The following STAT5B variants were observed in gnomAD, a reference collection of about 807,000 sequenced individuals.
STAT5B encodes signal transducer and activator of transcription 5B.
STAT5B carries 21 observed loss-of-function variants against 107.8 expected under a neutral mutation model. The ratio of observed to expected loss-of-function variants is 0.19; its 90% confidence interval spans 0.14 to 0.28. The LOEUF (loss-of-function observed/expected upper bound fraction) is 0.28. Ranked by LOEUF, STAT5B falls within the 10% of genes least tolerant of loss-of-function variation. The pLI is 1.00. For synonymous variants in STAT5B, 325 were observed against 401.7 expected (o/e 0.81, Z 2.28); for missense variants, 565 against 1,008.2 (o/e 0.56, Z 5.95).
intron 15 of STAT5B, among the ~76,000 whole-genome samples, chr17:42,209,317 A>G (rs1462031063): frequency 6.6e-6 from 1 of 151,994 alleles, no homozygotes; most frequent in Non-Finnish European, 1.5e-5. Flanking sequence ...AGGCTCCCAA[A>G]GTGCTGGGAT....
At chr17:42,234,224 T>C (rs976531973) in intron 1 of STAT5B, 2 of 152,228 alleles carry the variant, frequency 1.3e-5, no homozygotes, top group African/African-American at 2.4e-5. Flanking sequence ...GGGCTATTTA[T>C]GGGACAAGTC....
At chr17:42,267,377 C>T (rs1238602743) in intron 1 of STAT5B, among the ~76,000 whole-genome samples, 2 of 152,148 alleles carry the variant, frequency 1.3e-5, no homozygotes, top group Non-Finnish European at 2.9e-5. Context: ...TGTGTTACTG[C>T]CCCTGAAGAC....
At chr17:42,277,883 G>A (rs56833725), upstream of STAT5B, among the ~76,000 whole-genome samples, 247 of 151,796 alleles carry the variant, frequency 1.6e-3, 1 homozygote, top group African/African-American at 5.6e-3. Context: ...AGCCTCCTGA[G>A]TAGCTGGGAT....
At chr17:42,248,644 T>C (rs1246497730) in intron 1 of STAT5B, among the ~76,000 whole-genome samples, 2 of 152,212 alleles carry the variant, frequency 1.3e-5, no homozygotes, top group African/African-American at 2.4e-5. Flanking sequence ...ACACAACAGA[T>C]GCACTGAAAG....
intron 1 of STAT5B, among the ~76,000 whole-genome samples, chr17:42,266,850 G>A (rs1470257990): frequency 1.3e-5 from 2 of 152,142 alleles, no homozygotes; most frequent in Admixed American, 6.5e-5. Context: ...AACATGAGGA[G>A]AAAGGCCAAT....
chr17:42,249,479 G>T (rs995281197), intron 1 of STAT5B, among the ~76,000 whole-genome samples: 11 of 152,068 alleles, frequency 7.2e-5, no homozygotes, highest in Non-Finnish European at 1.5e-4. Context: ...GATAAAAAAA[G>T]AATAAATTTT....
At chr17:42,221,941 G>GT (rs1218033526) in intron 5 of STAT5B, among the ~76,000 whole-genome samples, 1 of 147,568 alleles carries the variant, frequency 6.8e-6, no homozygotes, top group Non-Finnish European at 1.5e-5. Flanking sequence ...TGTGTGGTGT[G>GT]TATGTGTGGT....
intron 1 of STAT5B, chr17:42,235,059 A>C (rs1359375634): frequency 6.6e-6 from 1 of 152,216 alleles, no homozygotes; most frequent in Admixed American, 6.5e-5. Context: ...TTGCATCTGC[A>C]TTCATTAGGT....
Position 42,223,368 on chromosome 17 carries a change from C to T in STAT5B, c.550+14G>A, listed in dbSNP as rs768422023. 2.0e-5 allele frequency: 32 copies of T among 1,614,170 alleles called. No individual in the cohort carries two copies. The highest frequency in any genetic ancestry group is 2.6e-5 in the Non-Finnish European group (31 of 1,180,038). Reference sequence around the variant, plus strand: ...AATCCTCAAGTTGCACAATGTGCCTCCACCGCGCCTCACCTTGGATCCTCA... The same window carrying T: ...AATCCTCAAGTTGCACAATGTGCCTTCACCGCGCCTCACCTTGGATCCTCA... On this transcript the variant is annotated intron_variant, in intron 5 of 18. Transcript: ENST00000293328.
Position 42,218,824 on chromosome 17 carries a change from A to G in STAT5B, c.888T>C (p.Ala296=). The change falls in exon 8 of 19, where the codon GCT becomes GCC. Residue 296 remains alanine, a synonymous_variant. Transcript: ENST00000293328. ...IWQNRQQIRR[A]EHLCQQLPIP... ...TGGGCAGCTGCTGGCAGAGGTGCTC[A>G]GCCCTGCGGATCTGCTGCCGGTTCT... is the stretch of plus-strand genomic sequence containing the variant. 3.1e-6 allele frequency: 5 copies of G among 1,613,344 alleles called. No homozygotes were observed. The highest frequency in any genetic ancestry group is 3.4e-6 in the Non-Finnish European group (4 of 1,179,750).
chr17:42,206,806 C>A (rs993981265), intron 16 of STAT5B, among the ~76,000 whole-genome samples: 1 of 151,400 alleles, frequency 6.6e-6, no homozygotes, highest in African/African-American at 2.4e-5. Flanking sequence ...AACTCCCGAC[C>A]TCAGGTGATC....
At chr17:42,222,168 GGTGTGTGTGTGTGCTGTGTTGTCT>G (rs1337216762) in intron 5 of STAT5B, among the ~76,000 whole-genome samples, 9 of 147,278 alleles carry the variant, frequency 6.1e-5, no homozygotes, top group African/African-American at 2.0e-4. Flanking sequence ...TGATGTGTGT[GGTGTGTGTGTGTGCTGTGTTGTCT>G]GTGTGTGCTG....
chr17:42,202,946 T>C (rs1490739080), intron 16 of STAT5B, 138 bp from the exon 17 acceptor site: 3 of 1,228,604 alleles, frequency 2.4e-6, no homozygotes, highest in Non-Finnish European at 2.4e-6. Context: ...ACTTAATATT[T>C]TTTTGTTTTG....
intron 2 of STAT5B, among the ~76,000 whole-genome samples, chr17:42,229,017 C>T (rs887800605): frequency 6.6e-6 from 1 of 152,156 alleles, no homozygotes; most frequent in African/African-American, 2.4e-5. Context: ...CTTGAGAAGG[C>T]AGTTAAGGCA....
intron 15 of STAT5B, 47 bp downstream of exon 15, chr17:42,210,124 G>GT: frequency 1.2e-6 from 2 of 1,613,872 alleles, no homozygotes; most frequent in Non-Finnish European, 1.7e-6. Context: ...AAATAATTTT[G>GT]TAACGAAAGC....
intron 1 of STAT5B, among the ~76,000 whole-genome samples, chr17:42,251,728 G>A (rs748322851): frequency 3.3e-5 from 5 of 151,946 alleles, no homozygotes; most frequent in African/African-American, 9.7e-5. Context: ...GATTGGGTGC[G>A]GTGGCTCACA....
chr17:42,201,599 A>G lies in STAT5B; in HGVS notation c.*139T>C, dbSNP rs1422586675. The stretch of plus-strand genomic sequence containing the variant: ...TTCGCTGGTGCCACCATGCACAGAA[A>G]CACTAAGGTCACAACTAGTATTAAC... On this transcript the variant is annotated 3_prime_UTR_variant, in exon 19 of 19. Transcript: ENST00000293328. The G allele has an allele frequency of 1.3e-6, 1 of 743,266 alleles. No homozygotes were observed. Among genetic ancestry groups the G allele is most frequent in the Non-Finnish European group, 2.4e-6 (1 of 413,200 alleles). 46.0% of individuals were successfully genotyped at this position (743,266 alleles called of 1,614,324 possible). A position where few individuals can be genotyped will look rare whatever the true frequency, so the allele number is the denominator to read the frequency against.
In STAT5B at chr17:42,248,864, A is replaced by C. The variant is rs1266763956; in HGVS notation, c.-10-16727T>G. 2.6e-5 allele frequency among the ~76,000 whole-genome samples: 4 copies of C among 152,244 alleles called. 1 individual carries two copies. In the East Asian group the frequency reaches 7.7e-4, roughly 29 times the overall value. ...TTCCCCTCCTGCTTCTGCAGCTAGT[A>C]CGCAATAGCATTTAGTTTCCAGTAA... is the stretch of plus-strand genomic sequence containing the variant. On this transcript the variant is annotated intron_variant, in intron 1 of 18. Transcript: ENST00000293328.
At chr17:42,287,335 C>CCCCCG in the STAT5B span, among the ~76,000 whole-genome samples, 1 of 150,764 alleles carries the variant, frequency 6.6e-6, no homozygotes, top group African/African-American at 2.5e-5. Flanking sequence ...AATGCACCCC[C>CCCCCG]CCCAACAGAA....
Sources: gnomAD v4.1 joint callset for allele counts (sites outside exome capture counted in the v4.1 genomes callset) on GRCh38, gnomAD v4.1.1 for gene constraint, MANE v1.5 for transcripts, NCBI Gene and HGNC (gene_info 2026-07-23, HGNC 2026-07-21) for gene names.